The following GREB1 variants were observed in gnomAD, a reference collection of about 807,000 sequenced individuals.
GREB1 encodes protein GREB1.
GREB1 carries 106 observed loss-of-function variants against 200.7 expected under a neutral mutation model. That is an observed-to-expected ratio of 0.53 (90% CI 0.45 to 0.62). GREB1 has a LOEUF of 0.62. GREB1 is among the 20% of genes least tolerant of loss of function. The pLI is 0.00. For missense variants in GREB1, 2,243 were observed against 2,556.8 expected (o/e 0.88, Z 2.65); for synonymous variants, 1,132 against 1,092.4 (o/e 1.04, Z -0.72).
At chr2:11,491,719 G>A (rs1225678166) in intron 1 of GREB1, among the ~76,000 whole-genome samples, 1 of 152,190 alleles carries the variant, frequency 6.6e-6, no homozygotes, top group Non-Finnish European at 1.5e-5. Flanking sequence ...GTAAACATTA[G>A]CAGCCTCCCT....
chr2:11,526,124 G>A (rs1208494391), intron 1 of GREB1, among the ~76,000 whole-genome samples: 1 of 152,208 alleles, frequency 6.6e-6, no homozygotes, highest in Non-Finnish European at 1.5e-5. Context: ...AGTTCACGCA[G>A]GTTAATTATG....
Position 11,598,515 on chromosome 2 carries a change from C to T in GREB1, c.2153-165C>T, listed in dbSNP as rs535556630. Among the ~76,000 whole-genome samples, 9 of 152,350 alleles carry T rather than the reference C, an allele frequency of 5.9e-5. 1 individual carries two copies. The South Asian group carries it at 1.4e-3, about 25-fold the overall frequency. ...CCAGCTCCTGTGCAGGACAGTTATGCAGCTGTAACCTGTGTGGGAGTTTTT... is the reference window on the plus strand; with the variant it reads ...CCAGCTCCTGTGCAGGACAGTTATGTAGCTGTAACCTGTGTGGGAGTTTTT... On this transcript the variant is annotated intron_variant, in intron 14 of 32. Coordinates refer to ENST00000381486, the MANE Select transcript of GREB1 (RefSeq NM_014668.4).
chr2:11,565,158 C>G (rs181768648), intron 3 of GREB1, among the ~76,000 whole-genome samples: 18 of 152,336 alleles, frequency 1.2e-4, no homozygotes, highest in Non-Finnish European at 2.4e-4. Context: ...GTCCACCTCT[C>G]TGTAGCTTGC....
chr2:11,626,681 C>A (rs916052562), intron 24 of GREB1, among the ~76,000 whole-genome samples: 1 of 152,194 alleles, frequency 6.6e-6, no homozygotes, highest in Non-Finnish European at 1.5e-5. Context: ...TGTTGTATAG[C>A]GGATCTTTAC....
At chr2:11,591,923 C>A in intron 10 of GREB1, 1 of 802,182 alleles carries the variant, frequency 1.2e-6, no homozygotes, top group Non-Finnish European at 1.5e-6. Context: ...ATGCAAGACC[C>A]AAAGTTTATA....
At chr2:11,546,943 C>CTTT (rs386354826) in intron 1 of GREB1, among the ~76,000 whole-genome samples, 9 of 123,492 alleles carry the variant, frequency 7.3e-5, no homozygotes, top group African/African-American at 2.3e-4. Flanking sequence ...CTAGTTTAAA[C>CTTT]TTTTTTTTTT....
rs1483224861 is a variant in GREB1, at chr2:11,600,782, T to A, written c.2334-18T>A. The stretch of plus-strand genomic sequence containing the variant: ...AACAATATAGTAATTCCACTGATTG[T>A]GTCTTCTCCTCCCTCAGTAGCACTG... On this transcript the variant is annotated intron_variant, in intron 15 of 32. Transcript: ENST00000381486. 1.3e-6 allele frequency: 2 copies of A among 1,595,238 alleles called. No individual in the cohort carries two copies. Among genetic ancestry groups the A allele is most frequent in the African/African-American group, 1.3e-5 (1 of 74,604 alleles).
intron 1 of GREB1, among the ~76,000 whole-genome samples, chr2:11,553,801 C>T (rs1393456366): frequency 6.6e-6 from 1 of 152,130 alleles, no homozygotes; most frequent in East Asian, 1.9e-4. Flanking sequence ...GCTGGAGTCT[C>T]CTGGGTGCCA....
Position 11,610,937 on chromosome 2 carries a change from C to G in GREB1, c.2916C>G (p.Ala972=). 6.2e-7 allele frequency: 1 copy of G among 1,611,190 alleles called. No homozygotes were observed. The highest frequency in any genetic ancestry group is 8.5e-7 in the Non-Finnish European group (1 of 1,179,134). ...VAYERLAHVR[A]RLALEEHFEI... is the part of the protein sequence containing the mutation. ...ATGAGCGGCTGGCCCACGTGCGGGC[C>G]CGGCTGGCGCTGGAGGAGCACTTTG... The change falls in exon 18 of 33, where the codon GCC becomes GCG. Residue 972 remains alanine, a synonymous_variant. Transcript: ENST00000381486.
chr2:11,547,141 C>T (rs943081953), intron 1 of GREB1, among the ~76,000 whole-genome samples: 1 of 152,112 alleles, frequency 6.6e-6, no homozygotes, highest in Non-Finnish European at 1.5e-5. Flanking sequence ...TGGGGTTTCA[C>T]CATGTTGGCC....
At chr2:11,551,880 CCT>C (rs1390485156) in intron 1 of GREB1, among the ~76,000 whole-genome samples, 1 of 152,224 alleles carries the variant, frequency 6.6e-6, no homozygotes, top group African/African-American at 2.4e-5. Context: ...TGATTTCTCC[CCT>C]CTTTTAAGTT....
At chr2:11,486,144 C>T (rs780308329) in intron 1 of GREB1, among the ~76,000 whole-genome samples, 1 of 152,164 alleles carries the variant, frequency 6.6e-6, no homozygotes, top group Non-Finnish European at 1.5e-5. Context: ...TTGGGCAGTT[C>T]ATAGAACTCT....
At chr2:11,586,032 C>T in intron 9 of GREB1, 127 bp downstream of exon 9, 2 of 924,658 alleles carry the variant, frequency 2.2e-6, no homozygotes, top group Non-Finnish European at 3.3e-6. Flanking sequence ...ACCTAAAATG[C>T]TTTCCAGGGC....
At chr2:11,517,660 T>A (rs1040702595) in intron 1 of GREB1, among the ~76,000 whole-genome samples, 2 of 150,898 alleles carry the variant, frequency 1.3e-5, no homozygotes, top group African/African-American at 2.4e-5. Context: ...ATTTTTTAAA[T>A]TTTTTTTTTG....
rs780542633 is a variant in GREB1 at position 11,592,925 on chromosome 2, G to T, written c.1495G>T (p.Ala499Ser). The change falls in exon 11 of 33, where the codon GCG becomes TCG. Residue 499 changes from alanine to serine, a missense_variant. Physicochemically the swap from Ala to Ser is moderately conservative, Grantham distance 99. This residue lies in a region of GREB1 where 1,178 missense variants were observed against 1,387.4 expected (regional missense o/e 0.85). Coordinates refer to ENST00000381486, the MANE Select transcript of GREB1 (RefSeq NM_014668.4). ...APSAAAPVTS[A>S]QLPWLASLAA... is the part of the protein sequence containing the mutation. ...CAGCGCCGCGGCACCCGTGACCTCC[G>T]CGCAGCTGCCCTGGCTGGCCAGCCT... 6.3e-7 allele frequency: 1 copy of T among 1,584,212 alleles called. No individual in the cohort carries two copies. The highest frequency in any genetic ancestry group is 1.3e-5 in the African/African-American group (1 of 74,352).
intron 1 of GREB1, among the ~76,000 whole-genome samples, chr2:11,536,977 T>C (rs574641211): frequency 6.6e-6 from 1 of 152,362 alleles, no homozygotes; most frequent in East Asian, 1.9e-4. Flanking sequence ...TTTATTTTTC[T>C]TTGAGATGGA....
In GREB1 at chr2:11,566,574, C is replaced by T. The variant is rs1677687607; in HGVS notation, c.372C>T (p.Ser124=). 1.9e-6 allele frequency: 3 copies of T among 1,614,014 alleles called. No homozygotes were observed. Among genetic ancestry groups the T allele is most frequent in the Admixed American group, 3.3e-5 (2 of 59,992 alleles). The change falls in exon 4 of 33, where the codon TCC becomes TCT. Residue 124 remains serine, a synonymous_variant. Coordinates refer to ENST00000381486, the MANE Select transcript of GREB1 (RefSeq NM_014668.4). ...PAGFLLVGVK[S]PSLPDHLLVC... is the part of the protein sequence containing the mutation. Reference sequence around the variant, plus strand: ...GCTTTCTCCTCGTGGGGGTCAAGTCCCCCAGCCTGCCGGACCATCTCCTGG... The same window carrying T: ...GCTTTCTCCTCGTGGGGGTCAAGTCTCCCAGCCTGCCGGACCATCTCCTGG...
intron 23 of GREB1, among the ~76,000 whole-genome samples, chr2:11,623,955 A>G (rs1316387257): frequency 6.6e-6 from 1 of 151,094 alleles, no homozygotes; most frequent in Admixed American, 6.6e-5. Context: ...TATTAAGCTC[A>G]TAGAATAAGG....
At position 11,611,161 on chromosome 2, in the gene GREB1, G is replaced by C. The variant is rs192491740; in HGVS notation, c.3006+134G>C. ...CTTCCCTAGACCCAGCCACCCCTCA[G>C]CCTCCTCTCTGTGCTTCCCCACCTC... On this transcript the variant is annotated intron_variant, in intron 18 of 32. Coordinates refer to ENST00000381486, the MANE Select transcript of GREB1 (RefSeq NM_014668.4). 4.3e-4 allele frequency: 305 copies of C among 705,792 alleles called. No individual in the cohort carries two copies. In the East Asian group the frequency reaches 7.0e-3, roughly 16 times the overall value. 43.7% of individuals were successfully genotyped at this position (705,792 alleles called of 1,614,324 possible). A position where few individuals can be genotyped will look rare whatever the true frequency, so the allele number is the denominator to read the frequency against.
Sources: gnomAD v4.1 joint callset for allele counts (sites outside exome capture counted in the v4.1 genomes callset) on GRCh38, gnomAD v4.1.1 for gene constraint, gnomAD v4.1.1 regional missense constraint, MANE v1.5 for transcripts, NCBI Gene and HGNC (gene_info 2026-07-23, HGNC 2026-07-21) for gene names.